The following PTPRD variants were observed in gnomAD, a reference collection of about 807,000 sequenced individuals.
The protein encoded by PTPRD is receptor-type tyrosine-protein phosphatase delta.
Under a neutral mutation model 214.5 loss-of-function variants are expected in PTPRD, and 34 were observed. The ratio of observed to expected loss-of-function variants is 0.16; its 90% confidence interval spans 0.12 to 0.21. The LOEUF (loss-of-function observed/expected upper bound fraction) is 0.21. Ranked by LOEUF, PTPRD falls within the 10% of genes least tolerant of loss-of-function variation. The pLI is 1.00. For missense variants in PTPRD, 2,545 were observed against 2,398.7 expected, an observed-to-expected ratio of 1.06 and a Z score of -1.27; for synonymous variants, 1,128 against 845.7, an observed-to-expected ratio of 1.33 and a Z score of -5.79.
At chr9:9,824,942 A>T (rs990291390) in intron 5 of PTPRD, among the ~76,000 whole-genome samples, 2 of 152,040 alleles carry the variant, frequency 1.3e-5, no homozygotes, top group African/African-American at 4.8e-5. Flanking sequence ...GTACCAGATG[A>T]TCTGGTTTTG....
chr9:8,880,037 A>G (rs2098429416), intron 11 of PTPRD, among the ~76,000 whole-genome samples: 1 of 152,216 alleles, frequency 6.6e-6, no homozygotes, highest in Non-Finnish European at 1.5e-5. Flanking sequence ...CTGTTTACAG[A>G]AAAACATACA....
intron 11 of PTPRD, among the ~76,000 whole-genome samples, chr9:8,778,705 A>G (rs1405152910): frequency 1.3e-5 from 2 of 152,208 alleles, no homozygotes; most frequent in Admixed American, 1.3e-4. Context: ...TAGAAAGATC[A>G]GTAATACTGA....
intron 7 of PTPRD, among the ~76,000 whole-genome samples, chr9:9,646,340 TGTGG>T (rs1309189986): frequency 4.1e-5 from 6 of 145,170 alleles, no homozygotes; most frequent in African/African-American, 1.0e-4. Context: ...TGTGTGTGTG[TGTGG>T]GTGTGTGTGT....
chr9:9,171,681 A>T (rs999393443), intron 10 of PTPRD, among the ~76,000 whole-genome samples: 28 of 152,092 alleles, frequency 1.8e-4, no homozygotes, highest in African/African-American at 6.5e-4. Context: ...CATATTGATG[A>T]GGAAAAAACT....
At chr9:8,963,518 T>C (rs560907986) in intron 11 of PTPRD, among the ~76,000 whole-genome samples, 1 of 152,274 alleles carries the variant, frequency 6.6e-6, no homozygotes, top group African/African-American at 2.4e-5. Flanking sequence ...GAGATGACCA[T>C]ATGGTTTTTG....
intron 12 of PTPRD, among the ~76,000 whole-genome samples, chr9:8,712,189 A>G (rs1288152432): frequency 6.6e-6 from 1 of 152,206 alleles, no homozygotes; most frequent in African/African-American, 2.4e-5. Flanking sequence ...TCACATAACT[A>G]TATTGAAGGA....
intron 35 of PTPRD, among the ~76,000 whole-genome samples, chr9:8,426,284 G>C (rs2094667536): frequency 6.6e-6 from 1 of 152,140 alleles, no homozygotes; most frequent in African/African-American, 2.4e-5. Flanking sequence ...ACTGGCTCAG[G>C]ATCAAGCAGC....
chr9:8,781,616 G>C (rs932726192), intron 11 of PTPRD, among the ~76,000 whole-genome samples: 2 of 152,134 alleles, frequency 1.3e-5, no homozygotes, highest in African/African-American at 4.8e-5. Flanking sequence ...AGGTCACATG[G>C]AGCACTATGC....
chr9:9,496,617 T>C (rs924775443), intron 8 of PTPRD, among the ~76,000 whole-genome samples: 3 of 152,132 alleles, frequency 2.0e-5, no homozygotes, highest in African/African-American at 4.8e-5. Flanking sequence ...TTGGTGATGA[T>C]GTGGAGAAAC....
chr9:10,122,878 G>A (rs2098787538), intron 3 of PTPRD, among the ~76,000 whole-genome samples: 1 of 152,200 alleles, frequency 6.6e-6, no homozygotes, highest in African/African-American at 2.4e-5. Context: ...ACCTGTTGGT[G>A]AGAGGAATTT....
chr9:10,249,678 C>G (rs1228542687), intron 3 of PTPRD, among the ~76,000 whole-genome samples: 1 of 152,066 alleles, frequency 6.6e-6, no homozygotes, highest in Non-Finnish European at 1.5e-5. Context: ...ATGAGAAGCA[C>G]TAATGTTAAG....
chr9:8,544,313 C>A (rs1318668760), intron 14 of PTPRD, among the ~76,000 whole-genome samples: 1 of 151,398 alleles, frequency 6.6e-6, no homozygotes, highest in Non-Finnish European at 1.5e-5. Context: ...AACTCCCAAC[C>A]CTCAGTAATC....
intron 3 of PTPRD, among the ~76,000 whole-genome samples, chr9:10,277,487 C>T (rs2094779212): frequency 6.6e-6 from 1 of 152,188 alleles, no homozygotes. Context: ...CAAGTTTCCT[C>T]ATTTGTAGAT....
intron 10 of PTPRD, among the ~76,000 whole-genome samples, chr9:9,142,125 C>T (rs562852653): frequency 5.9e-5 from 9 of 152,340 alleles, no homozygotes; most frequent in Admixed American, 4.6e-4. Context: ...TTCTGCAAAA[C>T]AAGTGTGGGT....
At chr9:9,373,860 T>C (rs749978295) in intron 9 of PTPRD, among the ~76,000 whole-genome samples, 3 of 152,164 alleles carry the variant, frequency 2.0e-5, no homozygotes, top group Non-Finnish European at 4.4e-5. Flanking sequence ...CATTTTATAT[T>C]GGAATACTTG....
intron 9 of PTPRD, among the ~76,000 whole-genome samples, chr9:9,309,337 A>G (rs1002276595): frequency 6.7e-6 from 1 of 148,420 alleles, no homozygotes; most frequent in Non-Finnish European, 1.5e-5. Context: ...CAAACAAACC[A>G]ACAACAAAAA....
chr9:8,351,503 T>C (rs2075439592), intron 39 of PTPRD, among the ~76,000 whole-genome samples: 1 of 151,704 alleles, frequency 6.6e-6, no homozygotes, highest in Non-Finnish European at 1.5e-5. Flanking sequence ...ATATCATAAT[T>C]ACAGTTCAAT....
intron 5 of PTPRD, among the ~76,000 whole-genome samples, chr9:9,825,473 G>A (rs1327489957): frequency 1.3e-5 from 2 of 151,688 alleles, no homozygotes; most frequent in South Asian, 2.1e-4. Flanking sequence ...GAAAGAGACC[G>A]AGAGACAGAG....
intron 5 of PTPRD, among the ~76,000 whole-genome samples, chr9:9,919,715 A>T (rs1370182111): frequency 1.3e-5 from 2 of 152,140 alleles, no homozygotes; most frequent in Non-Finnish European, 2.9e-5. Context: ...AAAGAGAAAG[A>T]ACAACGGGCT....
Sources: gnomAD v4.1 joint callset for allele counts (sites outside exome capture counted in the v4.1 genomes callset) on GRCh38, gnomAD v4.1.1 for gene constraint, MANE v1.5 for transcripts, NCBI Gene and HGNC (gene_info 2026-07-23, HGNC 2026-07-21) for gene names.